The following SHPRH variants were observed in gnomAD, a reference collection of about 807,000 sequenced individuals.
The protein encoded by SHPRH is SNF2 histone linker PHD RING helicase.
A neutral mutation model predicts 202.5 loss-of-function variants in SHPRH; 106 were observed. The observed-to-expected ratio is 0.52, with a 90% CI of 0.45 to 0.62. SHPRH has a LOEUF of 0.62. Ranked by LOEUF, SHPRH falls within the 20% of genes least tolerant of loss-of-function variation. SHPRH has a pLI of 0.00. For missense variants in SHPRH, 1,710 were observed against 2,020.0 expected, an observed-to-expected ratio of 0.85 and a Z score of 2.94; for synonymous variants, 729 against 686.0, an observed-to-expected ratio of 1.06 and a Z score of -0.98.
intron 29 of SHPRH, among the ~76,000 whole-genome samples, chr6:145,887,434 CTA>C (rs1300438549): frequency 6.6e-6 from 1 of 151,420 alleles, no homozygotes; most frequent in African/African-American, 2.4e-5. Context: ...TTAGAAAGTT[CTA>C]TGATTCCAGA....
At chr6:145,962,313 A>G (rs1789170545) in intron 1 of SHPRH, among the ~76,000 whole-genome samples, 1 of 152,202 alleles carries the variant, frequency 6.6e-6, no homozygotes. Flanking sequence ...AGTGCTAGGA[A>G]GTAAAGACAT....
Position 145,937,221 on chromosome 6 carries a change from T to C in SHPRH, c.2570-1780A>G, listed in dbSNP as rs1043031853. 3.3e-5 allele frequency among the ~76,000 whole-genome samples: 5 copies of C among 152,134 alleles called. 1 individual carries two copies. The South Asian group carries it at 1.0e-3, about 32-fold the overall frequency. On this transcript the variant is annotated intron_variant, in intron 11 of 29. Coordinates refer to ENST00000275233, the MANE Select transcript of SHPRH (RefSeq NM_001042683.3). ...CTGGTCTCAAACTCCTGACCTCAGATGATCCACCCGCCTCAGCCTCCCAAA... is the reference window on the plus strand; with the variant it reads ...CTGGTCTCAAACTCCTGACCTCAGACGATCCACCCGCCTCAGCCTCCCAAA...
downstream of SHPRH, among the ~76,000 whole-genome samples, chr6:145,860,606 T>C (rs1314248522): frequency 6.6e-6 from 1 of 152,078 alleles, no homozygotes; most frequent in Non-Finnish European, 1.5e-5. Context: ...GCAATCTTTA[T>C]CAAAATCCCA....
chr6:145,943,258 A>G lies in SHPRH; in HGVS notation c.2123T>C (p.Val708Ala). Residue 708 changes from valine (V) to alanine (A), a missense_variant, in exon 9 of 30, where the codon GTT becomes GCT. Val to Ala is a moderately conservative substitution (Grantham distance 64, BLOSUM62 0). This residue lies in a region of SHPRH where 277 missense variants were observed against 363.0 expected (regional missense o/e 0.76). Coordinates refer to ENST00000275233, the MANE Select transcript of SHPRH (RefSeq NM_001042683.3). Reference protein sequence around the residue: ...IKPFYCPHCLVAMEPVSTRAT... With the variant: ...IKPFYCPHCLAAMEPVSTRAT... ...TCTTGTTGACACTGGTTCCATTGCA[A>G]CAAGGCAGTGGGGGCAGTAAAAAGG... 1 of 1,613,812 alleles carries G rather than the reference A, an allele frequency of 6.2e-7. No individual in the cohort carries two copies. The highest frequency in any genetic ancestry group is 1.1e-5 in the South Asian group (1 of 91,068).
At chr6:145,923,519 G>A in intron 18 of SHPRH, 124 bp downstream of exon 18, 1 of 1,173,290 alleles carries the variant, frequency 8.5e-7, no homozygotes, top group East Asian at 2.4e-5. Context: ...GTATGAATGT[G>A]TCTGTATAGG....
intron 1 of SHPRH, 56 bp from the exon 2 acceptor site, chr6:145,955,410 G>T: frequency 2.1e-6 from 3 of 1,456,608 alleles, no homozygotes; most frequent in South Asian, 1.4e-5. Context: ...AGTATTTAAG[G>T]GTTACCAGAT....
At chr6:145,939,376 T>C (rs971862285) in intron 11 of SHPRH, among the ~76,000 whole-genome samples, 1 of 152,170 alleles carries the variant, frequency 6.6e-6, no homozygotes, top group African/African-American at 2.4e-5. Flanking sequence ...TTATATGTCA[T>C]TTATATCTCA....
At chr6:145,893,759 G>A (rs1781768900) in intron 27 of SHPRH, among the ~76,000 whole-genome samples, 2 of 152,082 alleles carry the variant, frequency 1.3e-5, no homozygotes, top group South Asian at 2.1e-4. Flanking sequence ...CTCTGTGTGT[G>A]CCTGAGGTCA....
intron 23 of SHPRH, among the ~76,000 whole-genome samples, chr6:145,914,270 G>T (rs1270249529): frequency 6.6e-6 from 1 of 152,086 alleles, no homozygotes; most frequent in African/African-American, 2.4e-5. Context: ...TGCTGCTCAA[G>T]AAAGTAAACT....
chr6:145,886,246 A>T lies in SHPRH; in HGVS notation c.*445T>A. 1.1e-5 allele frequency: 5 copies of T among 469,172 alleles called. No individual in the cohort carries two copies. The highest frequency in any genetic ancestry group is 2.0e-5 in the Non-Finnish European group (5 of 250,372). 29.1% of individuals were successfully genotyped at this position (469,172 alleles called of 1,614,324 possible). A position where few individuals can be genotyped will look rare whatever the true frequency, so the allele number is the denominator to read the frequency against. On this transcript the variant is annotated 3_prime_UTR_variant, in exon 30 of 30. Transcript: ENST00000275233. Reference sequence around the variant, plus strand: ...TTCACCATCTACTTAAAATATTACTAACAAGATATTGGTGAATCATGTGCT... The same window carrying T: ...TTCACCATCTACTTAAAATATTACTTACAAGATATTGGTGAATCATGTGCT...
In SHPRH at chr6:145,945,631, C is replaced by T. The variant is rs1300184984; in HGVS notation, c.1328G>A (p.Arg443His). 7 of 1,603,246 alleles carry T rather than the reference C, an allele frequency of 4.4e-6. No homozygotes were observed. The highest frequency in any genetic ancestry group is 6.0e-6 in the Non-Finnish European group (7 of 1,176,402). The change falls in exon 8 of 30, where the codon CGT becomes CAT. Residue 443 changes from arginine to histidine, a missense_variant. Physicochemically the swap from Arg to His is conservative, Grantham distance 29 (BLOSUM62 0). Transcript: ENST00000275233. Reference protein sequence around the residue: ...PKEKVQCPPTRVMILTAVKEM... With the variant: ...PKEKVQCPPTHVMILTAVKEM... ...TTTCACAGCTGTCAGTATCATCACACGTGTAGCTAAATGTAAAAGGATATG... is the reference window on the plus strand; with the variant it reads ...TTTCACAGCTGTCAGTATCATCACATGTGTAGCTAAATGTAAAAGGATATG...
At chr6:145,888,807 A>G (rs899442354) in intron 28 of SHPRH, among the ~76,000 whole-genome samples, 2 of 152,188 alleles carry the variant, frequency 1.3e-5, no homozygotes, top group African/African-American at 4.8e-5. Flanking sequence ...TGGATGCACT[A>G]TGGTTGTGTC....
At chr6:145,928,979 T>C (rs1785157512) in intron 14 of SHPRH, among the ~76,000 whole-genome samples, 1 of 151,946 alleles carries the variant, frequency 6.6e-6, no homozygotes, top group Non-Finnish European at 1.5e-5. Flanking sequence ...CATTATGAAT[T>C]CTATCAGTAT....
rs1328827257 is a variant in SHPRH at position 145,885,344 on chromosome 6, T to C, written c.*1347A>G. 6.6e-6 allele frequency: 1 copy of C among 152,584 alleles called. No homozygotes were observed. Among genetic ancestry groups the C allele is most frequent in the East Asian group, 1.9e-4 (1 of 5,200 alleles). The allele number at this position is 152,584 out of a possible 1,614,324, so 9.5% of individuals were successfully genotyped here. ...AACTGAAGAATAAGCACCAAAAGCA[T>C]GTGTGTGTTTTCTTCAGTTGAATTA... On this transcript the variant is annotated 3_prime_UTR_variant, in exon 30 of 30. Transcript: ENST00000275233.
chr6:145,923,663 G>C lies in SHPRH; in HGVS notation c.3525C>G (p.Gly1175=). The C allele has an allele frequency of 6.2e-7, 1 of 1,611,688 alleles. No homozygotes were observed. The highest frequency in any genetic ancestry group is 8.5e-7 in the Non-Finnish European group (1 of 1,178,468). ...EITSNYKQQT[G]KLSMSEKFRD... ...CTTACTTCTCTGACATAGAAAGCTT[G>C]CCAGTTTGTTGCTTGTAGTTGCTGG... The change falls in exon 18 of 30, where the codon GGC becomes GGG. Residue 1175 remains glycine, a synonymous_variant. Coordinates refer to ENST00000275233, the MANE Select transcript of SHPRH (RefSeq NM_001042683.3).
chr6:145,937,453 C>T (rs1786236344), intron 11 of SHPRH, among the ~76,000 whole-genome samples: 1 of 152,144 alleles, frequency 6.6e-6, no homozygotes, highest in East Asian at 1.9e-4. Context: ...GCCAGCACCA[C>T]TTGCCTAGAT....
intron 16 of SHPRH, among the ~76,000 whole-genome samples, chr6:145,925,368 A>ACACACACGCATG (rs909521842): frequency 6.6e-6 from 1 of 151,250 alleles, no homozygotes; most frequent in Admixed American, 6.7e-5. Flanking sequence ...ACACACACAC[A>ACACACACGCATG]CATGCATGCA....
At chr6:145,922,103 A>T (rs569469480) in intron 20 of SHPRH, among the ~76,000 whole-genome samples, 183 bp downstream of exon 20, 16 of 152,032 alleles carry the variant, frequency 1.1e-4, no homozygotes, top group Non-Finnish European at 2.1e-4. Context: ...TTAGGGGATA[A>T]CTTCTGGATA....
intron 2 of SHPRH, among the ~76,000 whole-genome samples, chr6:145,868,441 A>C (rs1438579721): frequency 6.6e-6 from 1 of 152,238 alleles, no homozygotes; most frequent in Non-Finnish European, 1.5e-5. Flanking sequence ...TAAGTTGTGA[A>C]GCTTGGATTT....
Sources: allele counts gnomAD v4.1 joint callset (sites outside exome capture counted in the v4.1 genomes callset), GRCh38; gene constraint gnomAD v4.1.1; regional missense constraint gnomAD v4.1.1; transcripts MANE v1.5; gene names NCBI Gene and HGNC (gene_info 2026-07-23, HGNC 2026-07-21).